Variants in SYT17 observed in about 807,000 individuals in gnomAD.
SYT17 encodes synaptotagmin-17.
In SYT17, 22 loss-of-function variants were observed where a neutral mutation model predicts 46.7. The observed-to-expected ratio is 0.47, with a 90% CI of 0.34 to 0.67. The LOEUF is 0.67. Ranked by LOEUF, SYT17 falls within the 30% of genes least tolerant of loss-of-function variation. SYT17 has a pLI of 0.01. For missense variants in SYT17, 519 were observed against 612.8 expected (o/e 0.85, Z 1.62); for synonymous variants, 251 against 248.4 (o/e 1.01, Z -0.10).
Position 19,231,368 on chromosome 16 carries a change from C to T in SYT17, c.1228+6530C>T, listed in dbSNP as rs540094188. ...GGTGGATCACCTGAGGTCAGGAGTT[C>T]GGGACTAGCCTGGCCAACATGGTGT... is the stretch of plus-strand genomic sequence containing the variant. On this transcript the variant is annotated intron_variant, in intron 7 of 7. Transcript: ENST00000355377. Among the ~76,000 whole-genome samples the T allele has an allele frequency of 1.8e-4, 28 of 151,780 alleles. No individual in the cohort carries two copies. In the East Asian group the frequency reaches 2.7e-3, roughly 15 times the overall value.
Position 19,267,186 on chromosome 16 carries a change from TACACACGTCC to T in SYT17, c.*117_*126del. 1 of 954,692 alleles carries T rather than the reference TACACACGTCC, an allele frequency of 1.0e-6. No homozygotes were observed. Among genetic ancestry groups the T allele is most frequent in the Non-Finnish European group, 1.5e-6 (1 of 663,884 alleles). 59.1% of individuals were successfully genotyped at this position (954,692 alleles called of 1,614,324 possible). On this transcript the variant is annotated 3_prime_UTR_variant, in exon 8 of 8. Transcript: ENST00000355377. ...CCTGCATACACACTCGCAACATGTC[TACACACGTCC>T]ACACACACAGACACACAGATACCCC...
chr16:19,250,332 A>G (rs1410741936), intron 7 of SYT17, among the ~76,000 whole-genome samples: 1 of 149,030 alleles, frequency 6.7e-6, no homozygotes, highest in African/African-American at 2.5e-5. Context: ...CTCTCGGGGT[A>G]ATTTCAAAAA....
chr16:19,227,364 G>A (rs1030537079), intron 7 of SYT17, among the ~76,000 whole-genome samples: 2 of 146,630 alleles, frequency 1.4e-5, no homozygotes, highest in Non-Finnish European at 3.0e-5. Flanking sequence ...ATGCCCAGCT[G>A]GAGTGCCATG....
chr16:19,206,943 A>C (rs1398626112), intron 5 of SYT17, among the ~76,000 whole-genome samples: 2 of 152,178 alleles, frequency 1.3e-5, no homozygotes, highest in African/African-American at 4.8e-5. Flanking sequence ...TGTGATCCCC[A>C]ATGTTGGAGG....
chr16:19,228,870 A>G lies in SYT17; in HGVS notation c.1228+4032A>G, dbSNP rs1037964479. Among the ~76,000 whole-genome samples, 9 of 152,300 alleles carry G rather than the reference A, an allele frequency of 5.9e-5. No individual in the cohort carries two copies. The East Asian group carries it at 9.6e-4, about 16-fold the overall frequency. On this transcript the variant is annotated intron_variant, in intron 7 of 7. Transcript: ENST00000355377. Reference sequence around the variant, plus strand: ...AGCATGTTTCCAAACACTTCATAACAAAAGTAAGGTTGGTCTGCAATTTAG... The same window carrying G: ...AGCATGTTTCCAAACACTTCATAACGAAAGTAAGGTTGGTCTGCAATTTAG...
At chr16:19,207,641 A>G (rs1965724173) in intron 5 of SYT17, among the ~76,000 whole-genome samples, 1 of 152,196 alleles carries the variant, frequency 6.6e-6, no homozygotes, top group South Asian at 2.1e-4. Flanking sequence ...ACCTCCCACC[A>G]GGCCTCACCT....
intron 5 of SYT17, among the ~76,000 whole-genome samples, chr16:19,215,736 A>C (rs1414306772): frequency 6.6e-6 from 1 of 152,218 alleles, no homozygotes; most frequent in Non-Finnish European, 1.5e-5. Context: ...ATTAATAATA[A>C]GTTACTTGGC....
At chr16:19,229,848 C>T (rs1167082120) in intron 7 of SYT17, among the ~76,000 whole-genome samples, 1 of 152,134 alleles carries the variant, frequency 6.6e-6, no homozygotes, top group African/African-American at 2.4e-5. Context: ...CAAAGTGGTG[C>T]ATACATACAA....
At chr16:19,241,514 C>G (rs1967121347) in intron 7 of SYT17, among the ~76,000 whole-genome samples, 1 of 152,222 alleles carries the variant, frequency 6.6e-6, no homozygotes, top group South Asian at 2.1e-4. Flanking sequence ...CTGGAGCGTG[C>G]AGCCCTGGCC....
chr16:19,238,197 C>T (rs1966874680), intron 7 of SYT17, among the ~76,000 whole-genome samples: 1 of 152,188 alleles, frequency 6.6e-6, no homozygotes, highest in Admixed American at 6.5e-5. Context: ...AAGGACCATT[C>T]CCTATCTTGG....
At chr16:19,264,683 C>T (rs1461672117) in intron 7 of SYT17, among the ~76,000 whole-genome samples, 1 of 151,550 alleles carries the variant, frequency 6.6e-6, no homozygotes, top group African/African-American at 2.4e-5. Context: ...CTTGACTTCC[C>T]TGGACTCAGG....
chr16:19,243,723 C>A (rs1043870729), intron 7 of SYT17, among the ~76,000 whole-genome samples: 1 of 146,710 alleles, frequency 6.8e-6, no homozygotes, highest in African/African-American at 2.5e-5. Context: ...GAGGCTGAGG[C>A]AGGAGAATCA....
intron 7 of SYT17, among the ~76,000 whole-genome samples, chr16:19,256,831 GC>G (rs1968609722): frequency 6.6e-6 from 1 of 152,050 alleles, no homozygotes; most frequent in Middle Eastern, 3.2e-3. Context: ...TCCCACCTTG[GC>G]CTCTCGAAGT....
intron 7 of SYT17, among the ~76,000 whole-genome samples, chr16:19,244,315 A>T (rs753938743): frequency 4.6e-5 from 7 of 150,606 alleles, no homozygotes; most frequent in Non-Finnish European, 1.0e-4. Context: ...TTGACACCAC[A>T]GAAGCTTATT....
At chr16:19,193,740 A>T (rs1000420340) in intron 5 of SYT17, among the ~76,000 whole-genome samples, 2 of 152,208 alleles carry the variant, frequency 1.3e-5, no homozygotes, top group African/African-American at 4.8e-5. Context: ...ACTAGAGCTT[A>T]ATCATACTGG....
chr16:19,218,286 A>G (rs1004730111), intron 5 of SYT17, among the ~76,000 whole-genome samples: 4 of 152,204 alleles, frequency 2.6e-5, no homozygotes, highest in Admixed American at 6.5e-5. Flanking sequence ...CTATTGCACA[A>G]TTAGCCCTCT....
intron 5 of SYT17, among the ~76,000 whole-genome samples, chr16:19,186,131 C>T (rs1197556963): frequency 6.6e-6 from 1 of 152,220 alleles, no homozygotes; most frequent in East Asian, 1.9e-4. Context: ...GAGCTGCAGG[C>T]CGTGCCTTAG....
rs199533968 is a variant in SYT17, at chr16:19,184,093, A to G, written c.897A>G (p.Glu299=). 7 of 1,614,192 alleles carry G rather than the reference A, an allele frequency of 4.3e-6. No homozygotes were observed. The African/African-American group carries it at 9.3e-5, about 22-fold the overall frequency. Residue 299 remains glutamate, a synonymous_variant, in exon 5 of 8, where the codon GAA becomes GAG. Transcript: ENST00000355377. ...GGAAAGTTTCTGTGCCTTTGTGTGA[A>G]GTTGACCTGGTCAAGGGCGGGCACT... ...VIGKVSVPLC[E]VDLVKGGHWW... is the part of the protein sequence containing the mutation.
At chr16:19,185,266 G>A (rs1040876744) in intron 5 of SYT17, among the ~76,000 whole-genome samples, 3 of 152,092 alleles carry the variant, frequency 2.0e-5, no homozygotes, top group Admixed American at 6.5e-5. Flanking sequence ...CAGGGGAGGG[G>A]GCTTTGGCCA....
Sources: gnomAD v4.1 joint callset for allele counts (sites outside exome capture counted in the v4.1 genomes callset) on GRCh38, gnomAD v4.1.1 for gene constraint, MANE v1.5 for transcripts, NCBI Gene and HGNC (gene_info 2026-07-23, HGNC 2026-07-21) for gene names.